The following TBL1XR1 variants were observed in gnomAD, a reference collection of about 807,000 sequenced individuals.
TBL1XR1 encodes TBL1X/Y related 1.
A neutral mutation model predicts 66.9 loss-of-function variants in TBL1XR1; 5 were observed. The observed-to-expected ratio is 0.07, with a 90% CI of 0.04 to 0.16. The LOEUF (loss-of-function observed/expected upper bound fraction) is 0.16, where lower values mean the gene tolerates loss of function less well. TBL1XR1 is among the 10% of genes least tolerant of loss of function. The probability of loss-of-function intolerance (pLI) is 1.00; values close to 1 mark genes in which losing one functional copy is unlikely to be tolerated. For missense variants in TBL1XR1, 238 were observed against 623.2 expected (o/e 0.38, Z 6.58); for synonymous variants, 210 against 206.0 (o/e 1.02, Z -0.17).
At chr3:177,138,360 C>T (rs548649998) in intron 1 of TBL1XR1, among the ~76,000 whole-genome samples, 1 of 152,000 alleles carries the variant, frequency 6.6e-6, no homozygotes, top group Non-Finnish European at 1.5e-5. Context: ...TTTGAGAGGC[C>T]GAGGTGGGAG....
At chr3:177,038,289 T>C (rs1715095267) in intron 11 of TBL1XR1, 24 bp downstream of exon 11, 1 of 1,593,310 alleles carries the variant, frequency 6.3e-7, no homozygotes, top group East Asian at 2.2e-5. Flanking sequence ...ATGACCACTT[T>C]AATGTGGAAA....
intron 1 of TBL1XR1, among the ~76,000 whole-genome samples, chr3:177,153,499 A>G (rs1266479843): frequency 6.6e-6 from 1 of 152,242 alleles, no homozygotes; most frequent in Non-Finnish European, 1.5e-5. Context: ...CAGCAAAAAT[A>G]GTACATAAAA....
At chr3:177,170,025 G>A (rs941642681) in intron 1 of TBL1XR1, among the ~76,000 whole-genome samples, 3 of 152,148 alleles carry the variant, frequency 2.0e-5, no homozygotes, top group Non-Finnish European at 1.5e-5. Flanking sequence ...AGCCCTCCAG[G>A]TGATTCTGAT....
chr3:177,122,182 T>C (rs1727049818), intron 1 of TBL1XR1, among the ~76,000 whole-genome samples: 1 of 152,068 alleles, frequency 6.6e-6, no homozygotes, highest in Non-Finnish European at 1.5e-5. Context: ...ATTTACTTAT[T>C]ACTTAAGACT....
Position 177,135,872 on chromosome 3 carries a change from T to C in TBL1XR1, c.-121-37331A>G, listed in dbSNP as rs1041593504. Among the ~76,000 whole-genome samples the C allele has an allele frequency of 3.3e-5, 5 of 151,796 alleles. No homozygotes were observed. In the East Asian group the frequency reaches 9.8e-4, roughly 30 times the overall value. On this transcript the variant is annotated intron_variant, in intron 1 of 15. Coordinates refer to ENST00000457928, the MANE Select transcript of TBL1XR1 (RefSeq NM_024665.7). The stretch of plus-strand genomic sequence containing the variant: ...TAAACCATGTAAATAAAAAGCACTC[T>C]GGAGGTTAATCCCAGAGGGCTGGAA...
At chr3:177,040,733 A>G (rs1249117930) in intron 10 of TBL1XR1, among the ~76,000 whole-genome samples, 1 of 152,156 alleles carries the variant, frequency 6.6e-6, no homozygotes, top group Non-Finnish European at 1.5e-5. Flanking sequence ...ATCTAAAAGT[A>G]CTAAGTACTA....
At chr3:177,140,303 AAAAG>A (rs1230526555) in intron 1 of TBL1XR1, among the ~76,000 whole-genome samples, 6 of 152,306 alleles carry the variant, frequency 3.9e-5, no homozygotes, top group African/African-American at 1.4e-4. Context: ...CCAACTCAAA[AAAAG>A]AAAAAAGTAC....
At chr3:177,092,731 C>A (rs1326004183) in intron 2 of TBL1XR1, among the ~76,000 whole-genome samples, 2 of 146,068 alleles carry the variant, frequency 1.4e-5, no homozygotes, top group African/African-American at 5.0e-5. Context: ...AAAAAAAAAA[C>A]CTAGAATTAC....
chr3:177,146,585 AT>A (rs1405952304), intron 1 of TBL1XR1, among the ~76,000 whole-genome samples: 1 of 137,234 alleles, frequency 7.3e-6, no homozygotes, highest in Admixed American at 7.4e-5. Flanking sequence ...GCGAGACTCC[AT>A]CTCAAAAAAA....
chr3:177,116,759 G>GA (rs1247713877), intron 1 of TBL1XR1, among the ~76,000 whole-genome samples: 23 of 152,134 alleles, frequency 1.5e-4, no homozygotes, highest in Admixed American at 1.2e-3. Flanking sequence ...TCTCTCAGAG[G>GA]AAAGTTATGT....
intron 7 of TBL1XR1, among the ~76,000 whole-genome samples, chr3:177,049,750 G>A (rs945348095): frequency 6.6e-6 from 1 of 152,122 alleles, no homozygotes; most frequent in Non-Finnish European, 1.5e-5. Context: ...AGAGTAAAAA[G>A]TAACAATTTA....
rs1712671799 is a variant in TBL1XR1 at position 177,023,570 on chromosome 3, T to C, written c.*1928A>G. 2.6e-5 allele frequency: 4 copies of C among 152,648 alleles called. No individual in the cohort carries two copies. In the South Asian group the frequency reaches 6.2e-4, roughly 24 times the overall value. 9.5% of individuals were successfully genotyped at this position (152,648 alleles called of 1,614,324 possible). On this transcript the variant is annotated 3_prime_UTR_variant, in exon 16 of 16. Transcript: ENST00000457928. Reference sequence around the variant, plus strand: ...TAAAAATATTATTACAGTATCATAGTCCCCACTAACAACAACTGGGGTACA... The same window carrying C: ...TAAAAATATTATTACAGTATCATAGCCCCCACTAACAACAACTGGGGTACA...
At chr3:177,127,131 G>T (rs1727732614) in intron 1 of TBL1XR1, among the ~76,000 whole-genome samples, 1 of 152,068 alleles carries the variant, frequency 6.6e-6, no homozygotes, top group African/African-American at 2.4e-5. Context: ...TTTCCATAAT[G>T]TATTATTACA....
At position 177,051,704 on chromosome 3, in the gene TBL1XR1, C is replaced by A; in HGVS notation, c.227G>T (p.Arg76Leu). ...INEDGTLFDG[R>L]PIESLSLIDA... ...TATCAGGGACAGAGACTCTATTGGTCGACCATCAAACAAGGTACCATCCTG... is the reference window on the plus strand; with the variant it reads ...TATCAGGGACAGAGACTCTATTGGTAGACCATCAAACAAGGTACCATCCTG... Residue 76 changes from arginine to leucine, a missense_variant, in exon 5 of 16, where the codon CGA becomes CTA. This residue lies in a region of TBL1XR1 where 80 missense variants were observed against 100.5 expected (regional missense o/e 0.80). Coordinates refer to ENST00000457928, the MANE Select transcript of TBL1XR1 (RefSeq NM_024665.7). The A allele has an allele frequency of 1.3e-6, 2 of 1,584,732 alleles. No individual in the cohort carries two copies. Among genetic ancestry groups the A allele is most frequent in the South Asian group, 1.2e-5 (1 of 86,778 alleles).
At position 177,024,713 on chromosome 3, in the gene TBL1XR1, G is replaced by GAAAAAAAAAAAAAAAAAAA. The variant is rs148659524; in HGVS notation, c.*784_*785insTTTTTTTTTTTTTTTTTTT. The GAAAAAAAAAAAAAAAAAAA allele has an allele frequency of 2.3e-5, 2 of 85,370 alleles. No individual in the cohort carries two copies. The highest frequency in any genetic ancestry group is 5.0e-5 in the Non-Finnish European group (2 of 39,962). The allele number at this position is 85,370 out of a possible 1,614,324, so 5.3% of individuals were successfully genotyped here. ...AGCCACATCACCAAAAAACAAAAAA[G>GAAAAAAAAAAAAAAAAAAA]AAAAAAAAAAAAAAAAAGCAAAACA... On this transcript the variant is annotated 3_prime_UTR_variant, in exon 16 of 16. Transcript: ENST00000457928.
chr3:177,082,738 T>TTATATATA (rs374510003), intron 2 of TBL1XR1, among the ~76,000 whole-genome samples: 968 of 63,190 alleles, frequency 0.015, 76 homozygotes, highest in South Asian at 0.032. Context: ...AAGATAGAGA[T>TTATATATA]TATATATATA....
intron 1 of TBL1XR1, among the ~76,000 whole-genome samples, chr3:177,101,924 G>A (rs985844420): frequency 2.0e-5 from 3 of 152,048 alleles, no homozygotes; most frequent in African/African-American, 7.2e-5. Flanking sequence ...AACCAAATGA[G>A]GGTACAAATT....
intron 1 of TBL1XR1, among the ~76,000 whole-genome samples, chr3:177,129,143 G>C (rs907416979): frequency 2.6e-5 from 4 of 152,108 alleles, no homozygotes; most frequent in Non-Finnish European, 1.5e-5. Context: ...GAGAAAAAAG[G>C]TAAATGGCCA....
intron 1 of TBL1XR1, among the ~76,000 whole-genome samples, chr3:177,165,151 C>G (rs1484068085): frequency 6.6e-6 from 1 of 151,976 alleles, no homozygotes; most frequent in Non-Finnish European, 1.5e-5. Context: ...CACAGAAAAT[C>G]TGAAAGAACT....
Sources: allele counts gnomAD v4.1 joint callset (sites outside exome capture counted in the v4.1 genomes callset), GRCh38; gene constraint gnomAD v4.1.1; regional missense constraint gnomAD v4.1.1; transcripts MANE v1.5; gene names NCBI Gene and HGNC (gene_info 2026-07-23, HGNC 2026-07-21).